ENOX1: variants seen among roughly 807,000 people sequenced by gnomAD.
ENOX1 encodes candidate growth-related and time keeping constitutive hydroquinone (NADH) oxidase.
In ENOX1, 42 loss-of-function variants were observed where a neutral mutation model predicts 82.5. The ratio of observed to expected loss-of-function variants is 0.51; its 90% CI spans 0.40 to 0.66. ENOX1 has a LOEUF of 0.66. Ranked by LOEUF, ENOX1 falls within the 30% of genes least tolerant of loss-of-function variation. The pLI, the probability that ENOX1 is intolerant of heterozygous loss-of-function variation, is 0.00. For missense variants in ENOX1, 608 were observed against 811.6 expected, an observed-to-expected ratio of 0.75 and a Z score of 3.05; for synonymous variants, 271 against 282.2, an observed-to-expected ratio of 0.96 and a Z score of 0.40.
At chr13:43,290,232 G>A (rs969586673) in intron 12 of ENOX1, among the ~76,000 whole-genome samples, 1 of 152,094 alleles carries the variant, frequency 6.6e-6, no homozygotes, top group South Asian at 2.1e-4. Context: ...GCGTGTATAC[G>A]TAAAGGCAAA....
intron 1 of ENOX1, among the ~76,000 whole-genome samples, chr13:43,726,749 TGTGTGA>T (rs765857119): frequency 0.012 from 1,734 of 138,910 alleles, 30 homozygotes; most frequent in African/African-American, 0.046. Context: ...TGTGTGTGTG[TGTGTGA>T]GAGAGAGACA....
At chr13:43,563,951 GA>G (rs34791602) in intron 2 of ENOX1, among the ~76,000 whole-genome samples, 9 of 148,952 alleles carry the variant, frequency 6.0e-5, no homozygotes, top group East Asian at 5.9e-4. Flanking sequence ...AATTATTCTG[GA>G]AAAAAAAAGG....
At chr13:43,445,186 C>G (rs190544020) in intron 3 of ENOX1, among the ~76,000 whole-genome samples, 2 of 150,094 alleles carry the variant, frequency 1.3e-5, no homozygotes, top group East Asian at 3.9e-4. Context: ...CACAGTGGCA[C>G]GATCTCGGCT....
intron 2 of ENOX1, among the ~76,000 whole-genome samples, chr13:43,514,732 C>A (rs748542337): frequency 1.3e-5 from 2 of 152,092 alleles, no homozygotes; most frequent in Non-Finnish European, 2.9e-5. Flanking sequence ...CAAGTCATAC[C>A]TTTACAACAG....
intron 1 of ENOX1, among the ~76,000 whole-genome samples, chr13:43,768,298 G>A (rs1416532990): frequency 1.3e-5 from 2 of 152,138 alleles, no homozygotes; most frequent in East Asian, 3.9e-4. Context: ...ATGAACATAT[G>A]CTTCCATAGT....
chr13:43,533,973 T>C (rs187625689), intron 2 of ENOX1, among the ~76,000 whole-genome samples: 192 of 152,224 alleles, frequency 1.3e-3, no homozygotes, highest in Admixed American at 2.9e-3. Context: ...ACTGTGAACA[T>C]TGATGCTGTT....
At chr13:43,325,356 T>C (rs549142607) in intron 10 of ENOX1, among the ~76,000 whole-genome samples, 92 of 152,356 alleles carry the variant, frequency 6.0e-4, no homozygotes, top group Non-Finnish European at 1.1e-3. Flanking sequence ...TGTCACATTA[T>C]TGTGAAGTCA....
At chr13:43,585,789 G>A (rs1040193915) in intron 2 of ENOX1, among the ~76,000 whole-genome samples, 5 of 152,132 alleles carry the variant, frequency 3.3e-5, no homozygotes, top group Non-Finnish European at 7.3e-5. Flanking sequence ...ATGTTGGCCA[G>A]GCTGGTCTCG....
At chr13:43,255,872 G>A (rs998892702) in intron 14 of ENOX1, among the ~76,000 whole-genome samples, 5 of 152,050 alleles carry the variant, frequency 3.3e-5, no homozygotes, top group African/African-American at 7.2e-5. Flanking sequence ...CAATGCAATC[G>A]CTATCAAGAT....
intron 3 of ENOX1, among the ~76,000 whole-genome samples, chr13:43,434,335 A>G (rs1022513588): frequency 5.3e-5 from 8 of 152,210 alleles, no homozygotes; most frequent in Non-Finnish European, 1.2e-4. Flanking sequence ...CCAAGGAGCT[A>G]GTCGCTCTCC....
At position 43,270,101 on chromosome 13, in the gene ENOX1, T is replaced by G. The variant is rs142230923; in HGVS notation, c.1447-524A>C. Among the ~76,000 whole-genome samples, 790 of 152,328 alleles carry G rather than the reference T, an allele frequency of 5.2e-3. 7 individuals are homozygous for G. The highest frequency in any genetic ancestry group is 0.018 in the African/African-American group (766 of 41,582). On this transcript the variant is annotated intron_variant, in intron 12 of 16. Coordinates refer to ENST00000690772, the MANE Select transcript of ENOX1 (RefSeq NM_001347969.2). Reference sequence around the variant, plus strand: ...TCAATATATCAGCTGAGAAAACTGCTGATATAAACTGTCAAAACATCAAGC... The same window carrying G: ...TCAATATATCAGCTGAGAAAACTGCGGATATAAACTGTCAAAACATCAAGC...
At chr13:43,305,575 CT>C (rs2046812570) in intron 11 of ENOX1, among the ~76,000 whole-genome samples, 2 of 152,008 alleles carry the variant, frequency 1.3e-5, no homozygotes, top group Admixed American at 1.3e-4. Flanking sequence ...AAAAAATTCT[CT>C]GCTCCTTCCT....
intron 10 of ENOX1, among the ~76,000 whole-genome samples, chr13:43,323,043 T>C (rs148522511): frequency 6.6e-6 from 1 of 152,350 alleles, no homozygotes; most frequent in Non-Finnish European, 1.5e-5. Flanking sequence ...CTTAGCATCA[T>C]GCCAGACACT....
intron 14 of ENOX1, among the ~76,000 whole-genome samples, chr13:43,252,449 T>C (rs895530295): frequency 1.3e-5 from 2 of 152,252 alleles, no homozygotes; most frequent in African/African-American, 4.8e-5. Context: ...TCCCTGGCTC[T>C]GATGTCTGCA....
chr13:43,732,990 C>T (rs976700849), intron 1 of ENOX1, among the ~76,000 whole-genome samples: 2 of 152,110 alleles, frequency 1.3e-5, no homozygotes, highest in African/African-American at 4.8e-5. Flanking sequence ...TAAAAGACGG[C>T]CCACACCTAA....
chr13:43,232,604 G>T (rs1277804735), intron 15 of ENOX1, among the ~76,000 whole-genome samples: 5 of 152,160 alleles, frequency 3.3e-5, no homozygotes, highest in Non-Finnish European at 4.4e-5. Context: ...TTTTGTGCAC[G>T]TGTGAGATGG....
intron 2 of ENOX1, among the ~76,000 whole-genome samples, chr13:43,610,513 T>C (rs912766325): frequency 2.0e-5 from 3 of 152,240 alleles, no homozygotes; most frequent in African/African-American, 7.2e-5. Flanking sequence ...TTAAGAAAAG[T>C]ATGTCTCTCT....
At chr13:43,320,260 C>T (rs183297629) in intron 11 of ENOX1, among the ~76,000 whole-genome samples, 42 of 152,310 alleles carry the variant, frequency 2.8e-4, no homozygotes, top group African/African-American at 9.6e-4. Flanking sequence ...TTGAAAAGCA[C>T]GAAAAGACTT....
At chr13:43,344,448 A>T (rs2049255903) in intron 9 of ENOX1, 90 bp downstream of exon 9, 1 of 1,053,260 alleles carries the variant, frequency 9.5e-7, no homozygotes, top group Non-Finnish European at 1.4e-6. Context: ...GAAATTATTG[A>T]ACTACTTACC....
Sources: gnomAD v4.1 joint callset for allele counts (sites outside exome capture counted in the v4.1 genomes callset) on GRCh38, gnomAD v4.1.1 for gene constraint, MANE v1.5 for transcripts, NCBI Gene and HGNC (gene_info 2026-07-23, HGNC 2026-07-21) for gene names.